SCAPER: variants seen among roughly 807,000 people sequenced by gnomAD.
SCAPER encodes S phase cyclin A-associated protein in the endoplasmic reticulum.
A neutral mutation model predicts 182.2 loss-of-function variants in SCAPER; 98 were observed. The ratio of observed to expected loss-of-function variants is 0.54; its 90% CI spans 0.46 to 0.64. The LOEUF (loss-of-function observed/expected upper bound fraction) is 0.64. Ranked by LOEUF, SCAPER falls within the 30% of genes least tolerant of loss-of-function variation. SCAPER has a pLI of 0.00. For synonymous variants in SCAPER, 605 were observed against 564.6 expected, an observed-to-expected ratio of 1.07 and a Z score of -1.01; for missense variants, 1,432 against 1,690.0, an observed-to-expected ratio of 0.85 and a Z score of 2.68.
intron 10 of SCAPER, among the ~76,000 whole-genome samples, chr15:76,770,578 A>T (rs1325710503): frequency 6.6e-6 from 1 of 152,158 alleles, no homozygotes; most frequent in Non-Finnish European, 1.5e-5. Context: ...CCTCAAAATA[A>T]CCAAAAGGGT....
chr15:76,651,823 A>C (rs2055074694), intron 21 of SCAPER, among the ~76,000 whole-genome samples: 1 of 151,838 alleles, frequency 6.6e-6, no homozygotes, highest in South Asian at 2.1e-4. Context: ...GGAAAAAAAA[A>C]AAAAAAACTT....
intron 23 of SCAPER, among the ~76,000 whole-genome samples, chr15:76,564,532 A>G (rs2046883518): frequency 6.6e-6 from 1 of 152,128 alleles, no homozygotes; most frequent in African/African-American, 2.4e-5. Context: ...ACAAATGGAA[A>G]AACACTCCAT....
At chr15:76,548,447 G>T (rs2045477863) in intron 23 of SCAPER, among the ~76,000 whole-genome samples, 1 of 152,132 alleles carries the variant, frequency 6.6e-6, no homozygotes, top group South Asian at 2.1e-4. Flanking sequence ...ATGAAAAGGA[G>T]AATGCTATAA....
intron 31 of SCAPER, chr15:76,349,269 T>G (rs948931165): frequency 6.6e-6 from 1 of 152,226 alleles, no homozygotes; most frequent in Non-Finnish European, 1.5e-5. Context: ...ATCCTTAAGT[T>G]AGCCATGAAA....
intron 20 of SCAPER, among the ~76,000 whole-genome samples, chr15:76,678,765 A>G (rs1483875070): frequency 1.3e-5 from 2 of 152,278 alleles, no homozygotes; most frequent in East Asian, 3.9e-4. Context: ...GCATTTTTAG[A>G]CAGCACTTTA....
chr15:76,458,690 C>T (rs1177415665), intron 25 of SCAPER, among the ~76,000 whole-genome samples: 1 of 152,124 alleles, frequency 6.6e-6, no homozygotes, highest in Admixed American at 6.6e-5. Context: ...GACCTGTCTT[C>T]CAGCTATTTT....
At chr15:76,378,117 G>A (rs1418888448) in intron 28 of SCAPER, among the ~76,000 whole-genome samples, 2 of 152,220 alleles carry the variant, frequency 1.3e-5, no homozygotes, top group Non-Finnish European at 2.9e-5. Flanking sequence ...TCAAAGTCAG[G>A]TCATTCTGAC....
chr15:76,623,785 G>A (rs2146130806), intron 21 of SCAPER, among the ~76,000 whole-genome samples: 1 of 152,168 alleles, frequency 6.6e-6, no homozygotes, highest in East Asian at 1.9e-4. Flanking sequence ...TTTGTAAAAA[G>A]TGACATTGAT....
intron 21 of SCAPER, among the ~76,000 whole-genome samples, chr15:76,625,432 G>A (rs1386799632): frequency 2.6e-5 from 4 of 152,188 alleles, no homozygotes; most frequent in African/African-American, 7.2e-5. Flanking sequence ...GACGTATGAA[G>A]ATGTTACAGT....
intron 27 of SCAPER, among the ~76,000 whole-genome samples, chr15:76,388,855 G>C (rs2043462289): frequency 6.6e-6 from 1 of 151,876 alleles, no homozygotes; most frequent in Non-Finnish European, 1.5e-5. Flanking sequence ...CAGCTACTCG[G>C]GAGGCTGAGG....
At chr15:76,745,284 TA>T (rs1045523400) in intron 15 of SCAPER, among the ~76,000 whole-genome samples, 1 of 151,410 alleles carries the variant, frequency 6.6e-6, no homozygotes, top group Non-Finnish European at 1.5e-5. Context: ...TACTAAAAAA[TA>T]AAAAAATAAA....
chr15:76,804,416 T>A, intron 6 of SCAPER, 117 bp downstream of exon 6: 1 of 609,170 alleles, frequency 1.6e-6, no homozygotes, highest in Non-Finnish European at 2.8e-6. Flanking sequence ...ATGCAGCACC[T>A]GACTTTTAGA....
intron 14 of SCAPER, among the ~76,000 whole-genome samples, chr15:76,756,951 C>T (rs1182518800): frequency 4.6e-5 from 7 of 152,114 alleles, no homozygotes; most frequent in East Asian, 3.9e-4. Flanking sequence ...TTCCACTTAC[C>T]GCAATGATCA....
intron 23 of SCAPER, among the ~76,000 whole-genome samples, chr15:76,568,186 C>A (rs1597425616): frequency 9.0e-6 from 1 of 110,548 alleles, no homozygotes; most frequent in African/African-American, 4.5e-5. Flanking sequence ...TGTCATGGAT[C>A]AAGCATATAT....
At chr15:76,540,813 A>G (rs2144740778) in intron 23 of SCAPER, among the ~76,000 whole-genome samples, 1 of 152,194 alleles carries the variant, frequency 6.6e-6, no homozygotes, top group South Asian at 2.1e-4. Flanking sequence ...ATGATAGAAT[A>G]TCATGTGGTT....
chr15:76,790,064 T>C (rs2064890659), intron 8 of SCAPER, among the ~76,000 whole-genome samples: 1 of 151,964 alleles, frequency 6.6e-6, no homozygotes, highest in Admixed American at 6.6e-5. Context: ...CCGTCTCTAC[T>C]AAAAAATATA....
intron 27 of SCAPER, among the ~76,000 whole-genome samples, chr15:76,392,046 AC>A (rs1345987756): frequency 6.6e-6 from 1 of 152,188 alleles, no homozygotes; most frequent in Non-Finnish European, 1.5e-5. Flanking sequence ...GGGACAGCCA[AC>A]TTTGGGTGAA....
chr15:76,731,834 T>C (rs2060937232), intron 16 of SCAPER, among the ~76,000 whole-genome samples: 1 of 152,238 alleles, frequency 6.6e-6, no homozygotes, highest in African/African-American at 2.4e-5. Flanking sequence ...AATTCCCTAC[T>C]AGTTTAGTAA....
chr15:76,783,128 A>C (rs991013604), intron 8 of SCAPER, among the ~76,000 whole-genome samples: 3 of 152,208 alleles, frequency 2.0e-5, no homozygotes, highest in Non-Finnish European at 4.4e-5. Context: ...AAATTGATAG[A>C]CCACTAGCAA....
Sources: allele counts gnomAD v4.1 joint callset (sites outside exome capture counted in the v4.1 genomes callset), GRCh38; gene constraint gnomAD v4.1.1; transcripts MANE v1.5; gene names NCBI Gene and HGNC (gene_info 2026-07-23, HGNC 2026-07-21).